Variants in NBAS observed in about 807,000 individuals in gnomAD.
NBAS encodes NAG/BC035112 fusion.
NBAS carries 219 observed loss-of-function variants against 302.5 expected under a neutral mutation model. The ratio of observed to expected loss-of-function variants is 0.72; its 90% confidence interval spans 0.65 to 0.81. The LOEUF is 0.81. Ranked by LOEUF, NBAS falls within the 30% of genes least tolerant of loss-of-function variation. NBAS has a pLI of 0.00. For synonymous variants in NBAS, 1,118 were observed against 1,021.6 expected (o/e 1.09, Z -1.80); for missense variants, 2,932 against 2,841.6 (o/e 1.03, Z -0.72).
chr2:15,478,884 T>C (rs1680306974), intron 12 of NBAS, among the ~76,000 whole-genome samples: 1 of 152,212 alleles, frequency 6.6e-6, no homozygotes, highest in Non-Finnish European at 1.5e-5. Flanking sequence ...AAATATCAAT[T>C]TGAGAATAAG....
intron 17 of NBAS, 97 bp downstream of exon 17, chr2:15,468,285 A>G: frequency 1.4e-6 from 2 of 1,423,072 alleles, no homozygotes; most frequent in Non-Finnish European, 9.9e-7. Context: ...AGTACAGAAT[A>G]ACTTAAATAA....
the NBAS span, among the ~76,000 whole-genome samples, chr2:14,915,233 T>A: frequency 1.3e-5 from 2 of 152,206 alleles, no homozygotes; most frequent in African/African-American, 4.8e-5. Context: ...ATATTACCTT[T>A]ATAATAACTG....
In NBAS at chr2:15,328,218, G is replaced by A. The variant is rs1344799051; in HGVS notation, c.4442C>T (p.Ser1481Leu). Residue 1481 changes from serine (S) to leucine (L), a missense_variant, in exon 37 of 52, where the codon TCA becomes TTA. Transcript: ENST00000281513. ...CCTTACCTCAGCGACAAAAGGATTT[G>A]AGATGACAGATTCATAAAAAGGATG... ...GCHPFYESVI[S>L]NPFVAESEGT... 4 of 1,613,756 alleles carry A rather than the reference G, an allele frequency of 2.5e-6. No homozygotes were observed. Among genetic ancestry groups the A allele is most frequent in the Non-Finnish European group, 2.5e-6 (3 of 1,179,784 alleles).
chr2:15,359,170 T>C (rs1254819181), intron 32 of NBAS, among the ~76,000 whole-genome samples: 1 of 151,478 alleles, frequency 6.6e-6, no homozygotes, highest in Non-Finnish European at 1.5e-5. Context: ...AGTTGGTATA[T>C]AAACCTTACT....
chr2:15,158,664 G>C, the NBAS span, among the ~76,000 whole-genome samples: 2 of 152,168 alleles, frequency 1.3e-5, no homozygotes, highest in Non-Finnish European at 2.9e-5. Context: ...CCAGAGTCGG[G>C]GCCCAGGATT....
the NBAS span, among the ~76,000 whole-genome samples, chr2:14,793,989 C>A: frequency 2.6e-5 from 4 of 152,076 alleles, no homozygotes; most frequent in African/African-American, 9.7e-5. Flanking sequence ...TACAAACATT[C>A]TCAGATAAAG....
chr2:15,098,340 A>ATCATATATGATATATTGTATACT, the NBAS span, among the ~76,000 whole-genome samples: 3 of 7,372 alleles, frequency 4.1e-4, 1 homozygote, highest in Non-Finnish European at 6.3e-4. Context: ...TATTGTATAT[A>ATCATATATGATATATTGTATACT]ATATATAATA....
At chr2:15,282,020 G>C (rs144887914) in intron 42 of NBAS, among the ~76,000 whole-genome samples, 3 of 152,138 alleles carry the variant, frequency 2.0e-5, no homozygotes, top group Non-Finnish European at 4.4e-5. Context: ...TAGACCAAAA[G>C]AAAGAGCAAA....
the NBAS span, among the ~76,000 whole-genome samples, chr2:15,075,312 C>G: frequency 2.0e-5 from 3 of 152,188 alleles, no homozygotes; most frequent in Admixed American, 6.5e-5. Context: ...TGGTACCCTG[C>G]CCCCTGCCCT....
At chr2:15,097,986 T>G in the NBAS span, among the ~76,000 whole-genome samples, 3 of 103,562 alleles carry the variant, frequency 2.9e-5, no homozygotes, top group African/African-American at 4.0e-5. Flanking sequence ...ATAATATATA[T>G]ATTATATTGT....
intron 11 of NBAS, among the ~76,000 whole-genome samples, chr2:15,496,072 A>ATATATATATATG (rs1251044692): frequency 1.4e-5 from 2 of 145,740 alleles, no homozygotes; most frequent in African/African-American, 5.1e-5. Flanking sequence ...GTGTATATAT[A>ATATATATATATG]TACACACACA....
the NBAS span, among the ~76,000 whole-genome samples, chr2:15,020,263 AC>A: frequency 1.3e-5 from 2 of 152,222 alleles, no homozygotes; most frequent in Non-Finnish European, 2.9e-5. Flanking sequence ...ATTATTAATA[AC>A]CTTTTTAAGA....
At chr2:14,961,446 G>A in the NBAS span, among the ~76,000 whole-genome samples, 1 of 151,776 alleles carries the variant, frequency 6.6e-6, no homozygotes, top group Non-Finnish European at 1.5e-5. Context: ...TTAAAGCTGG[G>A]CCCCCTCTCT....
At chr2:15,558,446 G>C (rs1347410115) in intron 2 of NBAS, 134 bp downstream of exon 2, 7 of 653,190 alleles carry the variant, frequency 1.1e-5, no homozygotes, top group Admixed American at 2.8e-5. Flanking sequence ...ATACATATGT[G>C]TGTATATATA....
At chr2:15,300,108 C>T (rs374997171) in intron 40 of NBAS, among the ~76,000 whole-genome samples, 4 of 152,264 alleles carry the variant, frequency 2.6e-5, no homozygotes, top group South Asian at 2.1e-4. Context: ...TGGCTCAGGA[C>T]GATGCTGCCC....
intron 28 of NBAS, among the ~76,000 whole-genome samples, chr2:15,386,970 A>T (rs923988578): frequency 1.3e-5 from 2 of 152,170 alleles, no homozygotes; most frequent in African/African-American, 4.8e-5. Context: ...TTTTCTTTGT[A>T]AGCCAGACAT....
chr2:15,149,562 T>C, the NBAS span, among the ~76,000 whole-genome samples: 1 of 152,078 alleles, frequency 6.6e-6, no homozygotes, highest in South Asian at 2.1e-4. Context: ...CACAACTCAC[T>C]GCAGCCTCAA....
At chr2:15,394,537 A>T (rs1675773623) in intron 27 of NBAS, among the ~76,000 whole-genome samples, 188 bp from the exon 28 acceptor site, 1 of 152,088 alleles carries the variant, frequency 6.6e-6, no homozygotes, top group Non-Finnish European at 1.5e-5. Flanking sequence ...AACAAATCTT[A>T]CCTTTCTCAT....
chr2:15,002,476 G>A, the NBAS span, among the ~76,000 whole-genome samples: 1 of 152,194 alleles, frequency 6.6e-6, no homozygotes, highest in Non-Finnish European at 1.5e-5. Flanking sequence ...GCTTCACCCA[G>A]TGGATCCCGC....
Sources: allele counts gnomAD v4.1 joint callset (sites outside exome capture counted in the v4.1 genomes callset), GRCh38; gene constraint gnomAD v4.1.1; transcripts MANE v1.5; gene names NCBI Gene and HGNC (gene_info 2026-07-23, HGNC 2026-07-21).